Variants in HS6ST3 observed in about 807,000 individuals in gnomAD.
HS6ST3 encodes heparan sulfate 6-O-sulfotransferase 3.
Under a neutral mutation model 36.7 loss-of-function variants are expected in HS6ST3, and 12 were observed. The ratio of observed to expected loss-of-function variants is 0.33; its 90% confidence interval spans 0.21 to 0.53. HS6ST3 has a LOEUF of 0.53. Among genes scored for constraint, HS6ST3 ranks in the 20% least tolerant of loss-of-function variants. The pLI is 0.95. For missense variants in HS6ST3, 584 were observed against 640.9 expected (o/e 0.91, Z 0.96); for synonymous variants, 240 against 257.5 (o/e 0.93, Z 0.65).
chr13:96,658,207 A>G (rs954779432), intron 1 of HS6ST3, among the ~76,000 whole-genome samples: 4 of 138,546 alleles, frequency 2.9e-5, no homozygotes, highest in South Asian at 4.8e-4. Flanking sequence ...TTTTATTGCT[A>G]TGTACTCTTC....
intron 1 of HS6ST3, among the ~76,000 whole-genome samples, chr13:96,582,055 G>A (rs1422465354): frequency 1.3e-5 from 2 of 152,222 alleles, no homozygotes; most frequent in African/African-American, 4.8e-5. Flanking sequence ...AGCAAATGCA[G>A]ATCTGGTGTC....
intron 1 of HS6ST3, among the ~76,000 whole-genome samples, chr13:96,248,822 T>C (rs1401941487): frequency 6.6e-6 from 1 of 152,240 alleles, no homozygotes; most frequent in African/African-American, 2.4e-5. Context: ...GGAATGCCTG[T>C]TATTTCTATT....
intron 1 of HS6ST3, among the ~76,000 whole-genome samples, chr13:96,529,570 A>G (rs1429643681): frequency 6.6e-6 from 1 of 152,114 alleles, no homozygotes; most frequent in Non-Finnish European, 1.5e-5. Flanking sequence ...TACATTTTAT[A>G]TTCTTCATTA....
chr13:96,188,002 G>A (rs1036128254), intron 1 of HS6ST3, among the ~76,000 whole-genome samples: 3 of 152,108 alleles, frequency 2.0e-5, no homozygotes, highest in African/African-American at 7.2e-5. Context: ...GAGTGGTGCT[G>A]GTTATATGCA....
intron 1 of HS6ST3, among the ~76,000 whole-genome samples, chr13:96,696,033 G>C (rs2138448726): frequency 6.6e-6 from 1 of 152,308 alleles, no homozygotes; most frequent in East Asian, 1.9e-4. Flanking sequence ...CAGTGGATGA[G>C]AGAGTTCAAT....
intron 1 of HS6ST3, among the ~76,000 whole-genome samples, chr13:96,714,277 G>C (rs1875638945): frequency 6.6e-6 from 1 of 152,004 alleles, no homozygotes; most frequent in Non-Finnish European, 1.5e-5. Flanking sequence ...AGATTAGTAT[G>C]ATACGGATAA....
intron 1 of HS6ST3, among the ~76,000 whole-genome samples, chr13:96,551,436 T>TA (rs1175314248): frequency 6.6e-6 from 1 of 152,174 alleles, no homozygotes; most frequent in Non-Finnish European, 1.5e-5. Context: ...AACAAGTTTT[T>TA]ATTGAGAAAC....
chr13:96,622,208 T>G (rs1340137001), intron 1 of HS6ST3, among the ~76,000 whole-genome samples: 1 of 149,296 alleles, frequency 6.7e-6, no homozygotes, highest in Non-Finnish European at 1.5e-5. Flanking sequence ...TTTACTGATA[T>G]AATTTCAAAA....
In HS6ST3 at chr13:96,799,990, A is replaced by G. The variant is rs1257016842; in HGVS notation, c.708-32500A>G. Among the ~76,000 whole-genome samples, 28 of 122,218 alleles carry G rather than the reference A, an allele frequency of 2.3e-4. 3 individuals are homozygous for G. Among genetic ancestry groups the G allele is most frequent in the African/African-American group, 1.1e-3 (27 of 24,074 alleles). 80.2% of individuals were successfully genotyped at this position (122,218 alleles called of 152,430 possible). A position where few individuals can be genotyped will look rare whatever the true frequency, so the allele number is the denominator to read the frequency against. ...TGTATATATATATATATGTATATATATATATATGTATATATATATATATGT... is the reference window on the plus strand; with the variant it reads ...TGTATATATATATATATGTATATATGTATATATGTATATATATATATATGT... On this transcript the variant is annotated intron_variant, in intron 1 of 1. Transcript: ENST00000376705.
At chr13:96,314,648 T>C (rs1031314127) in intron 1 of HS6ST3, among the ~76,000 whole-genome samples, 1 of 152,184 alleles carries the variant, frequency 6.6e-6, no homozygotes, top group Non-Finnish European at 1.5e-5. Flanking sequence ...CATGGATGAA[T>C]TTCAAAAACA....
At chr13:96,499,803 G>C (rs2055995313) in intron 1 of HS6ST3, among the ~76,000 whole-genome samples, 1 of 152,166 alleles carries the variant, frequency 6.6e-6, no homozygotes, top group South Asian at 2.1e-4. Flanking sequence ...GTGTGGGTGG[G>C]AGGGTGCATT....
Position 96,834,757 on chromosome 13 carries a change from TC to T in HS6ST3, c.*1560del, listed in dbSNP as rs1380560828. On this transcript the variant is annotated 3_prime_UTR_variant, in exon 2 of 2. Transcript: ENST00000376705. Reference sequence around the variant, plus strand: ...TTAAGCTAGCTTTACCTAAGCCACTTCTCAGCCTCCAGAATACTCTCTCTGG... The same window carrying T: ...TTAAGCTAGCTTTACCTAAGCCACTTTCAGCCTCCAGAATACTCTCTCTGG... 2.0e-5 allele frequency: 3 copies of T among 152,646 alleles called. No homozygotes were observed. The highest frequency in any genetic ancestry group is 7.2e-5 in the African/African-American group (3 of 41,530). The allele number at this position is 152,646 out of a possible 1,614,324, so 9.5% of individuals were successfully genotyped here. A position where few individuals can be genotyped will look rare whatever the true frequency, so the allele number is the denominator to read the frequency against.
intron 1 of HS6ST3, among the ~76,000 whole-genome samples, chr13:96,321,891 G>C (rs2055004720): frequency 6.6e-6 from 1 of 151,876 alleles, no homozygotes; most frequent in Non-Finnish European, 1.5e-5. Context: ...ATGCTTCCCT[G>C]GCCCATTCAC....
intron 1 of HS6ST3, among the ~76,000 whole-genome samples, chr13:96,494,594 G>A (rs2055965127): frequency 6.7e-6 from 1 of 150,296 alleles, no homozygotes; most frequent in East Asian, 1.9e-4. Context: ...GCCACTAAAG[G>A]GAGGGTCCAG....
At chr13:96,653,244 T>C (rs2056613604) in intron 1 of HS6ST3, among the ~76,000 whole-genome samples, 2 of 152,144 alleles carry the variant, frequency 1.3e-5, no homozygotes, top group African/African-American at 4.8e-5. Flanking sequence ...AGTTCTGGGA[T>C]ACATGTGCAG....
Position 96,444,276 on chromosome 13 carries a change from G to A in HS6ST3, c.707+352707G>A, listed in dbSNP as rs529885458. Among the ~76,000 whole-genome samples, 15 of 152,322 alleles carry A rather than the reference G, an allele frequency of 9.8e-5. No homozygotes were observed. The East Asian group carries it at 2.9e-3, about 29-fold the overall frequency. Reference sequence around the variant, plus strand: ...TATAAAGGGAAGCACCATACAGTGTGACACAGTAAGACCTTATGGCTTCTT... The same window carrying A: ...TATAAAGGGAAGCACCATACAGTGTAACACAGTAAGACCTTATGGCTTCTT... On this transcript the variant is annotated intron_variant, in intron 1 of 1. Transcript: ENST00000376705.
intron 1 of HS6ST3, among the ~76,000 whole-genome samples, chr13:96,596,850 G>T (rs1335550244): frequency 6.6e-6 from 1 of 151,966 alleles, no homozygotes; most frequent in East Asian, 1.9e-4. Context: ...CCAAAGAAAT[G>T]TAAATTTTTC....
chr13:96,596,746 C>T lies in HS6ST3; in HGVS notation c.708-235744C>T, dbSNP rs1200852648. Among the ~76,000 whole-genome samples the T allele has an allele frequency of 2.6e-5, 4 of 152,046 alleles. No individual in the cohort carries two copies. The East Asian group carries it at 7.7e-4, about 29-fold the overall frequency. ...TATACTGTTGGTTGGAATGTAAATTCGTTCAGTTATTGTGGAAGACAGTGT... is the reference window on the plus strand; with the variant it reads ...TATACTGTTGGTTGGAATGTAAATTTGTTCAGTTATTGTGGAAGACAGTGT... On this transcript the variant is annotated intron_variant, in intron 1 of 1. Coordinates refer to ENST00000376705, the MANE Select transcript of HS6ST3 (RefSeq NM_153456.4).
At chr13:96,408,871 C>A (rs2055492342) in intron 1 of HS6ST3, among the ~76,000 whole-genome samples, 1 of 152,006 alleles carries the variant, frequency 6.6e-6, no homozygotes, top group Admixed American at 6.6e-5. Context: ...TTGCAGTGAG[C>A]CGAGATGGTG....
Sources: gnomAD v4.1 joint callset for allele counts (sites outside exome capture counted in the v4.1 genomes callset) on GRCh38, gnomAD v4.1.1 for gene constraint, MANE v1.5 for transcripts, NCBI Gene and HGNC (gene_info 2026-07-23, HGNC 2026-07-21) for gene names.